The following SCOC variants were observed in gnomAD, a reference collection of about 807,000 sequenced individuals.
The protein encoded by SCOC is short coiled coil protein.
A neutral mutation model predicts 9.9 loss-of-function variants in SCOC; 7 were observed. That is an observed-to-expected ratio of 0.71 (90% CI 0.40 to 1.33). The LOEUF (loss-of-function observed/expected upper bound fraction) is 1.33, where lower values mean the gene tolerates loss of function less well. Ranked by LOEUF, SCOC falls within the 40% of genes most tolerant of loss-of-function variation. The pLI is 0.01. For synonymous variants in SCOC, 19 were observed against 28.2 expected, an observed-to-expected ratio of 0.67 and a Z score of 1.03; for missense variants, 66 against 89.7, an observed-to-expected ratio of 0.74 and a Z score of 1.07.
At chr4:140,301,920 C>T (rs1731823396) in intron 1 of SCOC, among the ~76,000 whole-genome samples, 1 of 152,190 alleles carries the variant, frequency 6.6e-6, no homozygotes, top group Admixed American at 6.5e-5. Context: ...CAGCCTTGCC[C>T]TCCCAGGCTC....
intron 1 of SCOC, among the ~76,000 whole-genome samples, chr4:140,319,770 A>T (rs1732444070): frequency 6.6e-6 from 1 of 152,126 alleles, no homozygotes; most frequent in Non-Finnish European, 1.5e-5. Flanking sequence ...AAAAAAAACT[A>T]AACTACAAAA....
chr4:140,369,215 G>A (rs541684705), upstream of SCOC: 4 of 346,640 alleles, frequency 1.2e-5, no homozygotes, highest in Middle Eastern at 4.8e-4. Flanking sequence ...ATAGCTATAT[G>A]GTATACTGTT....
rs1380243220 is a variant in SCOC at position 140,381,296 on chromosome 4, G to A, written c.*192G>A. ...GTGTATTATGTTAGTCTATGAAAAC[G>A]TGCAAATGTATTGTAGAGACTTTAT... On this transcript the variant is annotated 3_prime_UTR_variant, in exon 4 of 4. Coordinates refer to ENST00000608372, the MANE Select transcript of SCOC (RefSeq NM_001153484.2). The A allele has an allele frequency of 6.3e-6, 3 of 477,554 alleles. No homozygotes were observed. The highest frequency in any genetic ancestry group is 2.0e-5 in the African/African-American group (1 of 49,038). 29.6% of individuals were successfully genotyped at this position (477,554 alleles called of 1,614,324 possible). A position where few individuals can be genotyped will look rare whatever the true frequency, so the allele number is the denominator to read the frequency against.
intron 1 of SCOC, chr4:140,291,320 T>C: frequency 2.3e-6 from 1 of 428,742 alleles, no homozygotes; most frequent in Admixed American, 2.5e-5. Context: ...GTCTTTTACT[T>C]TAGAGATTAT....
At chr4:140,276,980 G>T (rs1412705099) in intron 1 of SCOC, among the ~76,000 whole-genome samples, 2 of 152,144 alleles carry the variant, frequency 1.3e-5, no homozygotes, top group Non-Finnish European at 2.9e-5. Flanking sequence ...GTCTTTTAAG[G>T]ATCAATTTGC....
chr4:140,291,140 G>T (rs535156122), intron 1 of SCOC, among the ~76,000 whole-genome samples: 1 of 152,278 alleles, frequency 6.6e-6, no homozygotes, highest in East Asian at 1.9e-4. Flanking sequence ...TGGATCTGCT[G>T]CAGAGCCCAT....
At chr4:140,302,953 T>C (rs1404571095) in intron 1 of SCOC, among the ~76,000 whole-genome samples, 1 of 149,550 alleles carries the variant, frequency 6.7e-6, no homozygotes, top group Non-Finnish European at 1.5e-5. Context: ...AGCTCAATTT[T>C]ATGTTTGAAA....
chr4:140,368,627 G>C (rs1190467244), intron 2 of SCOC, among the ~76,000 whole-genome samples: 2 of 152,156 alleles, frequency 1.3e-5, no homozygotes, highest in African/African-American at 4.8e-5. Context: ...CTTTATCCAA[G>C]GATGACTTTG....
intron 1 of SCOC, among the ~76,000 whole-genome samples, 169 bp from the exon 2 acceptor site, chr4:140,378,952 A>C (rs1206883782): frequency 1.3e-5 from 2 of 152,176 alleles, no homozygotes; most frequent in African/African-American, 2.4e-5. Context: ...ACATTTTCTC[A>C]AACTATTTAT....
At chr4:140,295,601 G>A (rs1174593827) in intron 1 of SCOC, among the ~76,000 whole-genome samples, 1 of 152,140 alleles carries the variant, frequency 6.6e-6, no homozygotes, top group Non-Finnish European at 1.5e-5. Context: ...GCTGGGCTCC[G>A]GCTCAGGACA....
chr4:140,312,322 G>A (rs1732180082), intron 1 of SCOC, among the ~76,000 whole-genome samples: 1 of 152,152 alleles, frequency 6.6e-6, no homozygotes, highest in African/African-American at 2.4e-5. Context: ...TGATAAAAAG[G>A]AAAAACAGGA....
intron 2 of SCOC, among the ~76,000 whole-genome samples, chr4:140,362,313 T>TCC (rs1727594134): frequency 2.4e-5 from 2 of 84,226 alleles, no homozygotes; most frequent in East Asian, 2.9e-4. Flanking sequence ...TTTTTTTTTT[T>TCC]TTGTGAGAGT....
chr4:140,306,120 T>G (rs1043408690), intron 1 of SCOC, among the ~76,000 whole-genome samples: 3 of 152,198 alleles, frequency 2.0e-5, no homozygotes, highest in South Asian at 4.1e-4. Flanking sequence ...TGACTCACAG[T>G]TCCACATGGC....
intron 2 of SCOC, among the ~76,000 whole-genome samples, chr4:140,345,149 C>A (rs1007696069): frequency 1.3e-5 from 2 of 152,104 alleles, no homozygotes; most frequent in Admixed American, 6.5e-5. Flanking sequence ...GCTAATGGAG[C>A]CTGGACGTGT....
At chr4:140,316,658 C>T (rs1045520015) in intron 1 of SCOC, among the ~76,000 whole-genome samples, 6 of 152,088 alleles carry the variant, frequency 3.9e-5, no homozygotes, top group Non-Finnish European at 7.4e-5. Context: ...AAGTGCCTTT[C>T]CCTTGCTGCC....
chr4:140,362,772 T>A (rs559455582), intron 2 of SCOC: 3 of 152,158 alleles, frequency 2.0e-5, no homozygotes, highest in African/African-American at 7.2e-5. Context: ...ACTTTAGATA[T>A]CCAACCAACA....
intron 2 of SCOC, among the ~76,000 whole-genome samples, chr4:140,352,536 T>G (rs536241165): frequency 6.6e-6 from 1 of 152,312 alleles, no homozygotes; most frequent in South Asian, 2.1e-4. Flanking sequence ...GGGTCACCAG[T>G]GTATTGCTAG....
At chr4:140,301,716 C>T (rs1378094582) in intron 1 of SCOC, among the ~76,000 whole-genome samples, 2 of 152,200 alleles carry the variant, frequency 1.3e-5, no homozygotes, top group African/African-American at 4.8e-5. Context: ...CATGGCTGAA[C>T]GTGCATGTAC....
chr4:140,311,576 G>A lies in SCOC; in HGVS notation c.-18-32045G>A, dbSNP rs540193964. The stretch of plus-strand genomic sequence containing the variant: ...ACTTACAGTGTATTTTTATCTCAGT[G>A]CTTGGCAGACCAGGAACATGCCCTC... On this transcript the variant is annotated intron_variant, in intron 1 of 4. Coordinates refer to the SCOC transcript ENST00000394205. Among the ~76,000 whole-genome samples the A allele has an allele frequency of 1.7e-4, 26 of 152,270 alleles. No individual in the cohort carries two copies. The South Asian group carries it at 5.0e-3, about 29-fold the overall frequency.
Sources: gnomAD v4.1 joint callset for allele counts (sites outside exome capture counted in the v4.1 genomes callset) on GRCh38, gnomAD v4.1.1 for gene constraint, MANE v1.5 for transcripts, NCBI Gene and HGNC (gene_info 2026-07-23, HGNC 2026-07-21) for gene names.